Variants in OLFM3 observed in about 807,000 individuals in gnomAD.
OLFM3 encodes olfactomedin 3.
A neutral mutation model predicts 48.6 loss-of-function variants in OLFM3; 20 were observed. That is an observed-to-expected ratio of 0.41 (90% CI 0.29 to 0.60). The LOEUF (loss-of-function observed/expected upper bound fraction) is 0.60, where lower values mean the gene tolerates loss of function less well. Among genes scored for constraint, OLFM3 ranks in the 20% least tolerant of loss-of-function variants. OLFM3 has a pLI of 0.28. For synonymous variants in OLFM3, 222 were observed against 198.1 expected (o/e 1.12, Z -1.01); for missense variants, 437 against 544.3 (o/e 0.80, Z 1.96).
At chr1:101,870,077 G>A (rs942595982) in intron 1 of OLFM3, among the ~76,000 whole-genome samples, 17 of 152,156 alleles carry the variant, frequency 1.1e-4, no homozygotes, top group Admixed American at 5.9e-4. Context: ...AATATTAGCT[G>A]TTAACAATAT....
chr1:101,865,243 G>T (rs1656812450), intron 1 of OLFM3, among the ~76,000 whole-genome samples: 1 of 151,842 alleles, frequency 6.6e-6, no homozygotes, highest in African/African-American at 2.4e-5. Context: ...GCTCCTAATT[G>T]GAACAGCCCT....
intron 1 of OLFM3, among the ~76,000 whole-genome samples, chr1:101,955,129 A>G (rs1366580395): frequency 6.6e-6 from 1 of 152,022 alleles, no homozygotes; most frequent in African/African-American, 2.4e-5. Flanking sequence ...ATAGAATGTT[A>G]AACTGTTTTT....
intron 1 of OLFM3, among the ~76,000 whole-genome samples, chr1:101,949,368 C>T (rs1305282615): frequency 2.0e-5 from 3 of 152,092 alleles, no homozygotes; most frequent in Non-Finnish European, 4.4e-5. Context: ...TTCATGCAAT[C>T]GTATCATTTA....
At chr1:101,946,168 C>T (rs557063194) in intron 1 of OLFM3, among the ~76,000 whole-genome samples, 1 of 150,452 alleles carries the variant, frequency 6.6e-6, no homozygotes, top group South Asian at 2.1e-4. Context: ...AAGAGAAAAG[C>T]AGTGTAAAAA....
intron 1 of OLFM3, among the ~76,000 whole-genome samples, chr1:101,902,232 G>A (rs911674333): frequency 3.3e-5 from 5 of 152,034 alleles, no homozygotes; most frequent in African/African-American, 4.8e-5. Context: ...ATAGTTAGGA[G>A]AGAATAATTT....
At chr1:101,927,113 T>C (rs1659295983) in intron 1 of OLFM3, among the ~76,000 whole-genome samples, 2 of 152,150 alleles carry the variant, frequency 1.3e-5, no homozygotes, top group African/African-American at 2.4e-5. Flanking sequence ...TTTTTACATA[T>C]GACTACTTCC....
In OLFM3 at chr1:101,804,776, C is replaced by G. The variant is rs543387350; in HGVS notation, c.839G>C (p.Gly280Ala). The change falls in exon 6 of 6, where the codon GGC (glycine) becomes GCC (alanine). Residue 280 changes from glycine (G) to alanine (A), a missense_variant. Around this residue, in one of 3 missense-constraint regions of OLFM3, gnomAD observed 314 missense variants for 365.5 expected, o/e 0.86. Transcript: ENST00000370103. The surrounding 1 kb of genome is among the most constrained non-coding windows in gnomAD (Gnocchi z 4.5). ...CTGATACTTGTTAAAATAGAGTGAG[C>G]CATTGTAGACAACATGGTTAGTTCC... ...WAGTNHVVYN[G>A]SLYFNKYQSN... 1 of 1,612,430 alleles carries G rather than the reference C, an allele frequency of 6.2e-7. No homozygotes were observed. Among genetic ancestry groups the G allele is most frequent in the Non-Finnish European group, 8.5e-7 (1 of 1,179,096 alleles).
intron 1 of OLFM3, among the ~76,000 whole-genome samples, chr1:101,949,532 T>G (rs1660056697): frequency 1.3e-5 from 2 of 152,174 alleles, no homozygotes; most frequent in African/African-American, 4.8e-5. Flanking sequence ...TAGTATATAT[T>G]CCAATTTTTT....
chr1:101,947,623 A>G (rs1660000969), intron 1 of OLFM3, among the ~76,000 whole-genome samples: 1 of 152,180 alleles, frequency 6.6e-6, no homozygotes, highest in Admixed American at 6.5e-5. Context: ...ATATTTTTCT[A>G]AAAATAAAGA....
At chr1:101,812,191 G>T (rs370397685) in intron 4 of OLFM3, among the ~76,000 whole-genome samples, 2 of 150,214 alleles carry the variant, frequency 1.3e-5, no homozygotes, top group African/African-American at 2.5e-5. Flanking sequence ...TTCATGGGGT[G>T]GGGGGAGTGG....
At chr1:101,989,567 T>C (rs78371540) in intron 1 of OLFM3, among the ~76,000 whole-genome samples, 11,771 of 152,212 alleles carry the variant, frequency 0.077, 560 homozygotes, top group Middle Eastern at 0.11. Flanking sequence ...CTATTCTAGA[T>C]ATTACATATT....
chr1:101,968,333 A>G (rs955301402), intron 1 of OLFM3, among the ~76,000 whole-genome samples: 2 of 152,180 alleles, frequency 1.3e-5, no homozygotes, highest in Non-Finnish European at 2.9e-5. Flanking sequence ...ATGTTGCAAG[A>G]GATTTCCAAG....
chr1:101,889,720 G>A (rs1387822499), intron 1 of OLFM3, among the ~76,000 whole-genome samples: 1 of 151,950 alleles, frequency 6.6e-6, no homozygotes, highest in Non-Finnish European at 1.5e-5. Context: ...ATCTAGCATA[G>A]ATAACATATA....
chr1:101,879,868 C>A (rs1657449530), intron 1 of OLFM3, among the ~76,000 whole-genome samples: 1 of 151,782 alleles, frequency 6.6e-6, no homozygotes, highest in African/African-American at 2.4e-5. Flanking sequence ...AATAAAGTTT[C>A]TCTTAAATTG....
chr1:101,907,961 GTTAA>G (rs927543428), intron 1 of OLFM3, among the ~76,000 whole-genome samples: 13 of 152,112 alleles, frequency 8.5e-5, no homozygotes, highest in African/African-American at 2.9e-4. Context: ...CCCAAAATAT[GTTAA>G]TTGTGAAAAA....
chr1:101,906,320 T>A (rs1444168717), intron 1 of OLFM3, among the ~76,000 whole-genome samples: 1 of 152,138 alleles, frequency 6.6e-6, no homozygotes, highest in Non-Finnish European at 1.5e-5. Context: ...GTGAGAAAAT[T>A]CAAATATCTG....
At chr1:101,821,459 T>C (rs1383902714) in intron 4 of OLFM3, among the ~76,000 whole-genome samples, 2 of 152,042 alleles carry the variant, frequency 1.3e-5, no homozygotes, top group Non-Finnish European at 2.9e-5. Flanking sequence ...TCAGTAACCA[T>C]GTGGCTTTAT....
intron 1 of OLFM3, among the ~76,000 whole-genome samples, chr1:101,971,712 C>G (rs1405527865): frequency 6.6e-6 from 1 of 152,054 alleles, no homozygotes; most frequent in Non-Finnish European, 1.5e-5. Context: ...TATTATAGTT[C>G]AAGAACAAGA....
intron 1 of OLFM3, among the ~76,000 whole-genome samples, chr1:101,962,129 A>G (rs981570053): frequency 6.6e-6 from 1 of 152,176 alleles, no homozygotes; most frequent in African/African-American, 2.4e-5. Flanking sequence ...CTCATTAGTT[A>G]TCAGCACCTT....
Sources: gnomAD v4.1 joint callset for allele counts (sites outside exome capture counted in the v4.1 genomes callset) on GRCh38, gnomAD v4.1.1 for gene constraint, gnomAD v4.1.1 regional missense constraint, Gnocchi (gnomAD v3.1) non-coding constraint, MANE v1.5 for transcripts, NCBI Gene and HGNC (gene_info 2026-07-23, HGNC 2026-07-21) for gene names.